Variants in QRICH1 observed in about 807,000 individuals in gnomAD.
QRICH1 encodes the protein glutamine rich 1, also known as transcriptional regulator QRICH1.
A neutral mutation model predicts 87.1 loss-of-function variants in QRICH1; 16 were observed. The ratio of observed to expected loss-of-function variants is 0.18; its 90% CI spans 0.12 to 0.28. The LOEUF is 0.28. Ranked by LOEUF, QRICH1 falls within the 10% of genes least tolerant of loss-of-function variation. The pLI is 1.00. For missense variants in QRICH1, 647 were observed against 951.7 expected, an observed-to-expected ratio of 0.68 and a Z score of 4.21; for synonymous variants, 367 against 368.4, an observed-to-expected ratio of 1.00 and a Z score of 0.05.
intron 2 of QRICH1, among the ~76,000 whole-genome samples, chr3:49,069,291 A>T (rs1198395174): frequency 1.3e-5 from 2 of 151,040 alleles, no homozygotes; most frequent in Non-Finnish European, 2.9e-5. Context: ...TTTAGTAGAG[A>T]CGGGGTTTCA....
At chr3:49,059,512 T>G (rs2106914013) in intron 2 of QRICH1, among the ~76,000 whole-genome samples, 1 of 148,348 alleles carries the variant, frequency 6.7e-6, no homozygotes, top group African/African-American at 2.5e-5. Flanking sequence ...CTCCGCCTCC[T>G]GGGTTCAAGC....
At position 49,046,935 on chromosome 3, in the gene QRICH1, A is replaced by C. The variant is rs997563248; in HGVS notation, c.1516+134T>G. The C allele has an allele frequency of 2.8e-6, 3 of 1,087,718 alleles. No homozygotes were observed. In the African/African-American group the frequency reaches 4.7e-5, roughly 17 times the overall value. The allele number at this position is 1,087,718 out of a possible 1,614,324, so 67.4% of individuals were successfully genotyped here. ...CAGTACTGCTTGTTACTAGGCTTGA[A>C]TTCAACATACTATTACAGATGTTGC... On this transcript the variant is annotated intron_variant, in intron 4 of 9. Transcript: ENST00000395443.
chr3:49,045,163 T>C (rs751627265), intron 5 of QRICH1, among the ~76,000 whole-genome samples: 2 of 152,110 alleles, frequency 1.3e-5, no homozygotes, highest in Non-Finnish European at 2.9e-5. Context: ...CCTAACTACA[T>C]TGGTATATTA....
rs1382404375 is a variant in QRICH1, at chr3:49,032,419, C to T, written c.2048-146G>A. On this transcript the variant is annotated intron_variant, in intron 8 of 9. Coordinates refer to ENST00000395443, the MANE Select transcript of QRICH1 (RefSeq NM_198880.3). ...AGGTATGAGGCATGGGCAGTGACTA[C>T]TAAGGGAAGAGGCAGCTATTCTGTC... 3.5e-6 allele frequency: 3 copies of T among 846,582 alleles called. No individual in the cohort carries two copies. In the Admixed American group the frequency reaches 8.0e-5, roughly 23 times the overall value. 52.4% of individuals were successfully genotyped at this position (846,582 alleles called of 1,614,324 possible).
intron 2 of QRICH1, among the ~76,000 whole-genome samples, chr3:49,072,934 C>G (rs1307361766): frequency 6.6e-6 from 1 of 151,794 alleles, no homozygotes; most frequent in Non-Finnish European, 1.5e-5. Context: ...CCTAGCTACT[C>G]GGGAGGCTGA....
chr3:49,085,096 T>A (rs1361966286), intron 1 of QRICH1, among the ~76,000 whole-genome samples: 2 of 151,178 alleles, frequency 1.3e-5, no homozygotes, highest in African/African-American at 4.9e-5. Flanking sequence ...TGAGCCAAGA[T>A]CGTGCCACTG....
chr3:49,037,916 C>A (rs1408612437), intron 6 of QRICH1, among the ~76,000 whole-genome samples: 2 of 151,902 alleles, frequency 1.3e-5, no homozygotes, highest in African/African-American at 4.8e-5. Context: ...GCGGAAGTTG[C>A]AGTGAGCCGA....
At chr3:49,093,209 G>A (rs1001082161) in intron 1 of QRICH1, 1 of 152,198 alleles carries the variant, frequency 6.6e-6, no homozygotes, top group African/African-American at 2.4e-5. Context: ...AAGAGGGCTT[G>A]GTTTCCGAAG....
intron 2 of QRICH1, among the ~76,000 whole-genome samples, chr3:49,072,187 C>T (rs778203411): frequency 4.6e-5 from 7 of 151,984 alleles, no homozygotes; most frequent in East Asian, 1.9e-4. Flanking sequence ...AAAAATTAGT[C>T]GGGCGTGCTA....
intron 1 of QRICH1, chr3:49,083,206 A>AG (rs2107016713): frequency 7.8e-6 from 1 of 128,838 alleles, no homozygotes; most frequent in African/African-American, 2.7e-5. Flanking sequence ...CTCTGTCTCA[A>AG]AAAAAAAAAA....
chr3:49,047,451 C>T (rs2093345057), intron 3 of QRICH1, among the ~76,000 whole-genome samples: 1 of 149,698 alleles, frequency 6.7e-6, no homozygotes, highest in East Asian at 1.9e-4. Context: ...TAGTGCAGTG[C>T]TTCTCAGCCT....
At chr3:49,036,720 C>T (rs962883578) in intron 6 of QRICH1, among the ~76,000 whole-genome samples, 4 of 151,816 alleles carry the variant, frequency 2.6e-5, no homozygotes, top group African/African-American at 4.8e-5. Context: ...AGCCGTTAAC[C>T]CTTCCTCTTC....
intron 8 of QRICH1, 141 bp from the exon 9 acceptor site, chr3:49,032,414 G>T: frequency 1.2e-6 from 1 of 841,424 alleles, no homozygotes; most frequent in Non-Finnish European, 1.9e-6. Flanking sequence ...CATGGGCAGT[G>T]ACTACTAAGG....
intron 1 of QRICH1, chr3:49,092,382 A>G (rs2042292932): frequency 6.6e-6 from 1 of 152,108 alleles, no homozygotes; most frequent in South Asian, 2.1e-4. Flanking sequence ...CAGGATATGA[A>G]CAATTTTAAC....
At chr3:49,031,439 T>C (rs1345639796) in intron 9 of QRICH1, among the ~76,000 whole-genome samples, 3 of 152,150 alleles carry the variant, frequency 2.0e-5, no homozygotes, top group Admixed American at 2.0e-4. Context: ...TCAAGATTTA[T>C]TCAAGGGTTA....
At chr3:49,092,435 A>C (rs1263813249) in intron 1 of QRICH1, 2 of 152,056 alleles carry the variant, frequency 1.3e-5, no homozygotes, top group Admixed American at 6.6e-5. Flanking sequence ...GCTTGTCCTG[A>C]GTTCTTAAGA....
chr3:49,033,056 T>A, intron 7 of QRICH1, 64 bp downstream of exon 7: 1 of 1,262,178 alleles, frequency 7.9e-7, no homozygotes, highest in South Asian at 1.6e-5. Flanking sequence ...TCAGAAGGCC[T>A]CTTGGATAGC....
rs535979612 is a variant in QRICH1, at chr3:49,059,794, C to T, written c.310-1904G>A. Among the ~76,000 whole-genome samples the T allele has an allele frequency of 1.2e-3, 174 of 151,030 alleles. 5 individuals carry two copies. In the South Asian group the frequency reaches 0.034, roughly 30 times the overall value. On this transcript the variant is annotated intron_variant, in intron 2 of 9. Coordinates refer to ENST00000395443, the MANE Select transcript of QRICH1 (RefSeq NM_198880.3). ...GAGTGATATGGTAGTCACGGCTCAC[C>T]GTAACCTCTGCATCCCGGATTCAAG...
chr3:49,088,104 A>T (rs1215112046), intron 1 of QRICH1, among the ~76,000 whole-genome samples: 1 of 151,528 alleles, frequency 6.6e-6, no homozygotes, highest in Non-Finnish European at 1.5e-5. Flanking sequence ...GGCGCCCGCC[A>T]CCACATCCAG....
Sources: gnomAD v4.1 joint callset for allele counts (sites outside exome capture counted in the v4.1 genomes callset) on GRCh38, gnomAD v4.1.1 for gene constraint, MANE v1.5 for transcripts, NCBI Gene and HGNC (gene_info 2026-07-23, HGNC 2026-07-21) for gene names.